The following OXR1 variants were observed in gnomAD, a reference collection of about 807,000 sequenced individuals.
The protein encoded by OXR1 is oxidation resistance protein 1.
In OXR1, 41 loss-of-function variants were observed where a neutral mutation model predicts 104.6. The observed-to-expected ratio is 0.39, with a 90% confidence interval of 0.31 to 0.51. The LOEUF (loss-of-function observed/expected upper bound fraction) is 0.51, where lower values mean the gene tolerates loss of function less well. Ranked by LOEUF, OXR1 falls within the 20% of genes least tolerant of loss-of-function variation. The pLI, the probability that OXR1 is intolerant of heterozygous loss-of-function variation, is 0.77. For synonymous variants in OXR1, 348 were observed against 348.4 expected, an observed-to-expected ratio of 1.00 and a Z score of 0.01; for missense variants, 955 against 1,031.9, an observed-to-expected ratio of 0.93 and a Z score of 1.02.
chr8:106,381,193 G>A (rs1175135472), intron 2 of OXR1, among the ~76,000 whole-genome samples: 1 of 152,104 alleles, frequency 6.6e-6, no homozygotes, highest in Non-Finnish European at 1.5e-5. Context: ...TTCAACCTGT[G>A]AACAATGATC....
At chr8:106,697,225 G>T (rs1830130253) in intron 7 of OXR1, among the ~76,000 whole-genome samples, 1 of 152,174 alleles carries the variant, frequency 6.6e-6, no homozygotes, top group Non-Finnish European at 1.5e-5. Flanking sequence ...TGATGGGTAT[G>T]GGGAAGGGAA....
chr8:106,750,324 C>CTTT (rs35858491), intron 16 of OXR1, among the ~76,000 whole-genome samples: 1 of 138,202 alleles, frequency 7.2e-6, no homozygotes, highest in Non-Finnish European at 1.5e-5. Flanking sequence ...CTTTTCTTTT[C>CTTT]TTTTTTTTTT....
chr8:106,492,380 G>C (rs920964039), intron 2 of OXR1, among the ~76,000 whole-genome samples: 4 of 152,208 alleles, frequency 2.6e-5, no homozygotes, highest in Non-Finnish European at 5.9e-5. Flanking sequence ...CGGGTAAAGT[G>C]TTGTTTTGTG....
chr8:106,577,096 A>G (rs1018319310), intron 3 of OXR1, among the ~76,000 whole-genome samples: 13 of 152,212 alleles, frequency 8.5e-5, no homozygotes, highest in Admixed American at 7.9e-4. Flanking sequence ...ACTAACATGA[A>G]CAATTAAACT....
rs370937041 is a variant in OXR1 at position 106,363,189 on chromosome 8, G to A, written c.23+3553G>A. On this transcript the variant is annotated intron_variant, in intron 2 of 16. Transcript: ENST00000517566. ...CATGCCATGTCCTGTGCTAAGCACA[G>A]GGAAACAGTATTGGTTAAAAGTAAT... 1.1e-4 allele frequency among the ~76,000 whole-genome samples: 17 copies of A among 152,300 alleles called. No individual in the cohort carries two copies. The East Asian group carries it at 3.1e-3, about 28-fold the overall frequency.
intron 3 of OXR1, among the ~76,000 whole-genome samples, chr8:106,574,059 A>G (rs1244669568): frequency 6.6e-6 from 1 of 152,208 alleles, no homozygotes; most frequent in Non-Finnish European, 1.5e-5. Context: ...AGCTATTTAA[A>G]TGTTGGGAAA....
chr8:106,499,410 A>G lies in OXR1; in HGVS notation c.24-19533A>G, dbSNP rs570611956. Among the ~76,000 whole-genome samples the G allele has an allele frequency of 3.4e-4, 51 of 151,924 alleles. 1 individual carries two copies. The highest frequency in any genetic ancestry group is 6.6e-4 in the Non-Finnish European group (45 of 67,952). On this transcript the variant is annotated intron_variant, in intron 2 of 16. Coordinates refer to ENST00000517566, the MANE Select transcript of OXR1 (RefSeq NM_001198533.2). ...AGAGTGTATACGTTTCATGTAAAATATCCTTCCTCTTTGTAACCCAAACCT... is the reference window on the plus strand; with the variant it reads ...AGAGTGTATACGTTTCATGTAAAATGTCCTTCCTCTTTGTAACCCAAACCT...
intron 2 of OXR1, among the ~76,000 whole-genome samples, chr8:106,374,073 A>G (rs1465061216): frequency 6.6e-6 from 1 of 152,208 alleles, no homozygotes. Context: ...CAGTGTATTG[A>G]AACAGCTTAA....
chr8:106,727,820 A>G (rs1396571983), intron 11 of OXR1, among the ~76,000 whole-genome samples: 1 of 152,188 alleles, frequency 6.6e-6, no homozygotes, highest in Non-Finnish European at 1.5e-5. Flanking sequence ...AGCTCTGCCC[A>G]TACATATATG....
chr8:106,645,739 G>T (rs1824020382), intron 3 of OXR1, among the ~76,000 whole-genome samples: 1 of 152,152 alleles, frequency 6.6e-6, no homozygotes, highest in Non-Finnish European at 1.5e-5. Context: ...TGGGGAGTTA[G>T]GGAACTCCCA....
chr8:106,489,112 T>C (rs1403998065), intron 2 of OXR1, among the ~76,000 whole-genome samples: 1 of 150,338 alleles, frequency 6.7e-6, no homozygotes, highest in Admixed American at 6.7e-5. Flanking sequence ...AGCAGTGGTT[T>C]GTAGTTCTCC....
intron 2 of OXR1, among the ~76,000 whole-genome samples, chr8:106,512,826 G>C (rs1421749468): frequency 6.6e-6 from 1 of 152,086 alleles, no homozygotes; most frequent in Admixed American, 6.6e-5. Context: ...AGTAAGACAA[G>C]TGATAAATAA....
intron 3 of OXR1, among the ~76,000 whole-genome samples, chr8:106,555,928 G>GTGTATATATA (rs1554593236): frequency 4.4e-4 from 63 of 142,536 alleles, no homozygotes; most frequent in Admixed American, 9.9e-4. Flanking sequence ...GTATATATAT[G>GTGTATATATA]TACATATATA....
chr8:106,470,972 G>A (rs1284626139), intron 2 of OXR1, among the ~76,000 whole-genome samples: 1 of 151,742 alleles, frequency 6.6e-6, no homozygotes, highest in Non-Finnish European at 1.5e-5. Flanking sequence ...TGGTGGTATG[G>A]TAAAGTGAAA....
At chr8:106,346,214 G>A (rs1815474643) in intron 1 of OXR1, among the ~76,000 whole-genome samples, 1 of 152,046 alleles carries the variant, frequency 6.6e-6, no homozygotes, top group African/African-American at 2.4e-5. Context: ...AGTGTTATCA[G>A]AAGATAATGA....
At position 106,702,911 on chromosome 8, in the gene OXR1, A is replaced by C. The variant is rs748305305; in HGVS notation, c.681A>C (p.Thr227=). The change falls in exon 8 of 17, where the codon ACA becomes ACC. Residue 227 remains threonine (T), a synonymous_variant. Transcript: ENST00000517566. ...NCKYITSGKG[T]VSGVLLVTPN... is the part of the protein sequence containing the mutation. ...ACTTTCTTTTTTCACCTTAGGGCAC[A>C]GTCAGTGGTGTGCTGCTAGTTACAC... The C allele has an allele frequency of 3.3e-5, 54 of 1,612,060 alleles. No individual in the cohort carries two copies. In the Admixed American group the frequency reaches 9.0e-4, roughly 27 times the overall value.
At chr8:106,550,467 C>T (rs1815714987) in intron 3 of OXR1, among the ~76,000 whole-genome samples, 3 of 152,086 alleles carry the variant, frequency 2.0e-5, no homozygotes, top group Admixed American at 2.0e-4. Flanking sequence ...GAAACAAATC[C>T]CCTGTGATAT....
At chr8:106,513,254 G>T (rs1198732604) in intron 2 of OXR1, among the ~76,000 whole-genome samples, 3 of 151,990 alleles carry the variant, frequency 2.0e-5, no homozygotes, top group Non-Finnish European at 1.5e-5. Flanking sequence ...TTGGAGAGCT[G>T]GTTGAAATGG....
chr8:106,692,734 G>A lies in OXR1; in HGVS notation c.532G>A (p.Asp178Asn), dbSNP rs1163434426. The change falls in exon 7 of 17, where the codon GAT becomes AAT. Residue 178 changes from aspartate (D) to asparagine (N), a missense_variant. This residue lies in a region of OXR1 where 849 missense variants were observed against 852.9 expected (regional missense o/e 1.00). Coordinates refer to ENST00000517566, the MANE Select transcript of OXR1 (RefSeq NM_001198533.2). Reference protein sequence around the residue: ...EAEFDKTTNPDVHPTEATPSS... With the variant: ...EAEFDKTTNPNVHPTEATPSS... ...CTTTAAAAAAAAAAAAAAGAATCCT[G>A]ATGTCCATCCAACAGAAGCAACTCC... is the stretch of plus-strand genomic sequence containing the variant. The A allele has an allele frequency of 7.9e-6, 11 of 1,392,438 alleles. No individual in the cohort carries two copies. The highest frequency in any genetic ancestry group is 1.0e-5 in the Non-Finnish European group (11 of 1,055,550). The allele number at this position is 1,392,438 out of a possible 1,614,324, so 86.3% of individuals were successfully genotyped here. A position where few individuals can be genotyped will look rare whatever the true frequency, so the allele number is the denominator to read the frequency against.
Sources: gnomAD v4.1 joint callset for allele counts (sites outside exome capture counted in the v4.1 genomes callset) on GRCh38, gnomAD v4.1.1 for gene constraint, gnomAD v4.1.1 regional missense constraint, MANE v1.5 for transcripts, NCBI Gene and HGNC (gene_info 2026-07-23, HGNC 2026-07-21) for gene names.